Variants in ADAMTS20 observed in about 807,000 individuals in gnomAD.
The protein encoded by ADAMTS20 is A disintegrin and metalloproteinase with thrombospondin motifs 20.
A neutral mutation model predicts 260.1 loss-of-function variants in ADAMTS20; 225 were observed. That is an observed-to-expected ratio of 0.87 (90% CI 0.78 to 0.97). The LOEUF (loss-of-function observed/expected upper bound fraction) is 0.97. Ranked by LOEUF, ADAMTS20 falls within the 50% of genes least tolerant of loss-of-function variation. The pLI is 0.00. For synonymous variants in ADAMTS20, 802 were observed against 769.5 expected, an observed-to-expected ratio of 1.04 and a Z score of -0.70; for missense variants, 2,400 against 2,337.7, an observed-to-expected ratio of 1.03 and a Z score of -0.55.
chr12:43,428,343 T>C lies in ADAMTS20; in HGVS notation c.3843A>G (p.Leu1281=), dbSNP rs1361902781. The C allele has an allele frequency of 6.2e-7, 1 of 1,613,966 alleles. No homozygotes were observed. The highest frequency in any genetic ancestry group is 2.2e-5 in the East Asian group (1 of 44,880). ...TTTGAGTTAATGGCAAATTCGTGCT[T>C]AGATAATAGCTTGGCTGCACAGGGG... ...PSSPVQPSYY[L]STNLPLTQKL... is the part of the protein sequence containing the mutation. Residue 1281 remains leucine, a synonymous_variant, in exon 26 of 39, where the codon CTA becomes CTG. Coordinates refer to ENST00000389420, the MANE Select transcript of ADAMTS20 (RefSeq NM_025003.5).
At chr12:43,356,674 C>A in intron 37 of ADAMTS20, 86 bp from the exon 38 acceptor site, 1 of 868,950 alleles carries the variant, frequency 1.2e-6, no homozygotes, top group African/African-American at 1.7e-5. Flanking sequence ...CAAGGGGCAA[C>A]TGAATTAATA....
intron 3 of ADAMTS20, among the ~76,000 whole-genome samples, chr12:43,527,311 G>C: frequency 6.6e-6 from 1 of 152,074 alleles, no homozygotes; most frequent in East Asian, 1.9e-4. Context: ...TTCAAAAATT[G>C]AGAAACAGGG....
At chr12:43,436,125 A>G (rs1483565423) in intron 18 of ADAMTS20, among the ~76,000 whole-genome samples, 1 of 152,240 alleles carries the variant, frequency 6.6e-6, no homozygotes, top group Non-Finnish European at 1.5e-5. Flanking sequence ...GAAATTTTGA[A>G]TATGAAAAGT....
At chr12:43,527,458 C>T (rs1943159222) in intron 3 of ADAMTS20, among the ~76,000 whole-genome samples, 1 of 152,038 alleles carries the variant, frequency 6.6e-6, no homozygotes, top group African/African-American at 2.4e-5. Flanking sequence ...ACTGGCTAAC[C>T]AAATCCAAAA....
At chr12:43,436,823 C>T (rs1165819343) in intron 18 of ADAMTS20, among the ~76,000 whole-genome samples, 5 of 152,194 alleles carry the variant, frequency 3.3e-5, no homozygotes, top group African/African-American at 1.2e-4. Flanking sequence ...GCAGCACCCT[C>T]ATGACAATCA....
intron 8 of ADAMTS20, 63 bp downstream of exon 8, chr12:43,468,537 T>C: frequency 9.8e-7 from 1 of 1,025,638 alleles, no homozygotes; most frequent in East Asian, 2.4e-5. Flanking sequence ...GAAGATAGAA[T>C]TTCAGGCATT....
intron 15 of ADAMTS20, among the ~76,000 whole-genome samples, chr12:43,444,429 C>CT (rs1941723897): frequency 6.6e-6 from 1 of 152,034 alleles, no homozygotes; most frequent in African/African-American, 2.4e-5. Flanking sequence ...AAGCAGGAAT[C>CT]TCTTCATCTA....
chr12:43,499,750 A>G (rs1942730085), intron 4 of ADAMTS20, among the ~76,000 whole-genome samples: 1 of 151,954 alleles, frequency 6.6e-6, no homozygotes, highest in African/African-American at 2.4e-5. Flanking sequence ...TGATCCACCC[A>G]CCTTGGCCTC....
chr12:43,434,319 C>T lies in ADAMTS20; in HGVS notation c.2646G>A (p.Val882=), dbSNP rs767765460. ...TCIHKSDHSV[V]SDKECDHLPL... is the part of the protein sequence containing the mutation. ...GCAAGTGGTCACATTCTTTATCAGA[C>T]ACAACACTATGATCACTCTTATGTA... is the stretch of plus-strand genomic sequence containing the variant. Residue 882 remains valine (V), a synonymous_variant, in exon 19 of 39, where the codon GTG becomes GTA. Transcript: ENST00000389420. 1.3e-6 allele frequency: 2 copies of T among 1,593,406 alleles called. No homozygotes were observed. Among genetic ancestry groups the T allele is most frequent in the Non-Finnish European group, 8.6e-7 (1 of 1,168,650 alleles).
intron 29 of ADAMTS20, among the ~76,000 whole-genome samples, chr12:43,396,097 A>C (rs981483803): frequency 6.6e-6 from 1 of 152,124 alleles, no homozygotes; most frequent in Non-Finnish European, 1.5e-5. Context: ...TCAATTATTT[A>C]ATTTGCATCT....
At chr12:43,489,259 TAG>T (rs1209706783) in intron 7 of ADAMTS20, among the ~76,000 whole-genome samples, 2 of 152,000 alleles carry the variant, frequency 1.3e-5, no homozygotes, top group Non-Finnish European at 2.9e-5. Flanking sequence ...TCTAAAAGAA[TAG>T]GTTTATAAAT....
chr12:43,399,727 A>G (rs1182890362), intron 28 of ADAMTS20, among the ~76,000 whole-genome samples: 4 of 152,176 alleles, frequency 2.6e-5, no homozygotes, highest in African/African-American at 9.6e-5. Context: ...TTTTTTTAAC[A>G]GCATTTCAGT....
At chr12:43,413,715 A>G (rs1941075881) in intron 28 of ADAMTS20, among the ~76,000 whole-genome samples, 1 of 152,208 alleles carries the variant, frequency 6.6e-6, no homozygotes. Flanking sequence ...ACTGATTTTG[A>G]ATGGATTCTA....
At position 43,440,139 on chromosome 12, in the gene ADAMTS20, C is replaced by CTTTTT. The variant is rs35606718; in HGVS notation, c.2291-75_2291-71dup. 29 of 557,158 alleles carry CTTTTT rather than the reference C, an allele frequency of 5.2e-5. No homozygotes were observed. In the Admixed American group the frequency reaches 8.6e-4, roughly 17 times the overall value. 34.5% of individuals were successfully genotyped at this position (557,158 alleles called of 1,614,324 possible). ...AACAATACAGAAAACACTTGTTTAA[C>CTTTTT]TTTTTTTTTTTTTTTTTTTTTTGAG... On this transcript the variant is annotated intron_variant, in intron 16 of 38. Coordinates refer to ENST00000389420, the MANE Select transcript of ADAMTS20 (RefSeq NM_025003.5).
intron 3 of ADAMTS20, among the ~76,000 whole-genome samples, chr12:43,524,408 G>A (rs1943113330): frequency 6.6e-6 from 1 of 151,950 alleles, no homozygotes; most frequent in African/African-American, 2.4e-5. Flanking sequence ...ACCCAAATGA[G>A]AAGGAACCAG....
intron 28 of ADAMTS20, among the ~76,000 whole-genome samples, chr12:43,412,130 C>A (rs1941043338): frequency 6.6e-6 from 1 of 152,176 alleles, no homozygotes; most frequent in Non-Finnish European, 1.5e-5. Flanking sequence ...TAGGAAAAAA[C>A]CACAGGAGCA....
chr12:43,430,217 CCT>C (rs1941414015), intron 23 of ADAMTS20, 133 bp downstream of exon 23: 1 of 970,834 alleles, frequency 1.0e-6, no homozygotes, highest in Non-Finnish European at 1.4e-6. Flanking sequence ...TATTTTTTTG[CCT>C]CTCTCTCACA....
Position 43,427,427 on chromosome 12 carries a change from C to A in ADAMTS20, c.3988G>T (p.Val1330Phe). The stretch of plus-strand genomic sequence containing the variant: ...CTTTGTCCATTTTCATCCTGGCAGA[C>A]CACAGCCCTATGCTGAAGACCTCCA... ...CSGGLQHRAV[V>F]CQDENGQSAS... is the part of the protein sequence containing the mutation. The change falls in exon 27 of 39, where the codon GTC becomes TTC. Residue 1330 changes from valine to phenylalanine, a missense_variant. Physicochemically the swap from Val to Phe is conservative, Grantham distance 50. Coordinates refer to ENST00000389420, the MANE Select transcript of ADAMTS20 (RefSeq NM_025003.5). The A allele has an allele frequency of 6.2e-7, 1 of 1,613,764 alleles. No individual in the cohort carries two copies.
intron 9 of ADAMTS20, among the ~76,000 whole-genome samples, chr12:43,465,071 A>G (rs1179266697): frequency 6.6e-6 from 1 of 152,176 alleles, no homozygotes; most frequent in Non-Finnish European, 1.5e-5. Flanking sequence ...CTACTTTGCT[A>G]TCCAATAGTA....
Sources: gnomAD v4.1 joint callset for allele counts (sites outside exome capture counted in the v4.1 genomes callset) on GRCh38, gnomAD v4.1.1 for gene constraint, MANE v1.5 for transcripts, NCBI Gene and HGNC (gene_info 2026-07-23, HGNC 2026-07-21) for gene names.